CCDC149: variants seen among roughly 807,000 people sequenced by gnomAD.
CCDC149 encodes the protein coiled-coil domain containing 149, also known as coiled-coil domain-containing protein 149.
CCDC149 carries 45 observed loss-of-function variants against 59.9 expected under a neutral mutation model. The observed-to-expected ratio is 0.75, with a 90% CI of 0.59 to 0.96. The LOEUF (loss-of-function observed/expected upper bound fraction) is 0.96. CCDC149 is among the 40% of genes least tolerant of loss of function. The pLI, the probability that CCDC149 is intolerant of heterozygous loss-of-function variation, is 0.00. For synonymous variants in CCDC149, 245 were observed against 260.6 expected, an observed-to-expected ratio of 0.94 and a Z score of 0.58; for missense variants, 584 against 664.7, an observed-to-expected ratio of 0.88 and a Z score of 1.33.
At chr4:24,805,097 C>T (rs180973983), downstream of CCDC149, among the ~76,000 whole-genome samples, 19 of 152,260 alleles carry the variant, frequency 1.2e-4, no homozygotes, top group African/African-American at 4.6e-4. Context: ...AGGCCTTAAT[C>T]AAAAGAAAGA....
downstream of CCDC149, among the ~76,000 whole-genome samples, chr4:24,805,510 A>T (rs1056789925): frequency 2.6e-4 from 40 of 152,310 alleles, 1 homozygote; most frequent in Middle Eastern, 3.4e-3. Flanking sequence ...ACTCTCTTAC[A>T]CATCCCAAGA....
At chr4:24,957,933 G>A (rs1474952811) in intron 1 of CCDC149, among the ~76,000 whole-genome samples, 1 of 152,214 alleles carries the variant, frequency 6.6e-6, no homozygotes, top group Non-Finnish European at 1.5e-5. Flanking sequence ...ATCAAGTATA[G>A]TATCTTCATA....
intron 2 of CCDC149, among the ~76,000 whole-genome samples, chr4:24,875,034 C>G (rs886074937): frequency 6.6e-6 from 1 of 152,168 alleles, no homozygotes; most frequent in Non-Finnish European, 1.5e-5. Flanking sequence ...AAAGGCTGGG[C>G]ACGGTGGCTC....
chr4:24,958,735 CAG>C (rs1211627598), intron 1 of CCDC149, among the ~76,000 whole-genome samples: 1 of 151,958 alleles, frequency 6.6e-6, no homozygotes, highest in Non-Finnish European at 1.5e-5. Context: ...AAATGAAAAA[CAG>C]AGAAGAAAAA....
intron 3 of CCDC149, among the ~76,000 whole-genome samples, chr4:24,859,271 T>C (rs761398075): frequency 2.0e-5 from 3 of 152,230 alleles, no homozygotes; most frequent in Non-Finnish European, 4.4e-5. Context: ...ATAAGTGTTC[T>C]GAGCATATTT....
At chr4:24,950,790 G>A (rs1242956447) in intron 1 of CCDC149, among the ~76,000 whole-genome samples, 1 of 152,174 alleles carries the variant, frequency 6.6e-6, no homozygotes, top group Non-Finnish European at 1.5e-5. Flanking sequence ...GTTTACTAAG[G>A]AAACAAACTT....
intron 1 of CCDC149, among the ~76,000 whole-genome samples, chr4:24,936,955 G>T (rs1174839739): frequency 1.3e-5 from 2 of 152,186 alleles, no homozygotes; most frequent in Non-Finnish European, 2.9e-5. Context: ...TCCTTTTTGG[G>T]CCTGGTTTCC....
intron 1 of CCDC149, among the ~76,000 whole-genome samples, chr4:24,888,623 T>C (rs1720339626): frequency 6.6e-6 from 1 of 152,134 alleles, no homozygotes; most frequent in Non-Finnish European, 1.5e-5. Flanking sequence ...TCTCCAGACA[T>C]GGGTTTGGTT....
At chr4:24,859,974 C>T (rs1374729440) in intron 3 of CCDC149, among the ~76,000 whole-genome samples, 1 of 152,176 alleles carries the variant, frequency 6.6e-6, no homozygotes, top group African/African-American at 2.4e-5. Context: ...ACACCCCGTG[C>T]TTTTAGATAG....
intron 1 of CCDC149, among the ~76,000 whole-genome samples, chr4:24,923,441 T>G (rs940246925): frequency 2.0e-5 from 3 of 152,136 alleles, no homozygotes; most frequent in African/African-American, 7.2e-5. Context: ...CAAATGATTA[T>G]GCAAAAATTA....
At chr4:24,888,062 G>A (rs746966715) in intron 1 of CCDC149, among the ~76,000 whole-genome samples, 1 of 152,122 alleles carries the variant, frequency 6.6e-6, no homozygotes, top group Non-Finnish European at 1.5e-5. Flanking sequence ...GAGCCACGTG[G>A]CACTGTGGGT....
At chr4:24,899,698 C>T (rs1721048831) in intron 1 of CCDC149, among the ~76,000 whole-genome samples, 1 of 152,210 alleles carries the variant, frequency 6.6e-6, no homozygotes, top group African/African-American at 2.4e-5. Context: ...CCCTCACATA[C>T]ACTCCTGACA....
At chr4:24,956,158 G>A (rs187915092) in intron 1 of CCDC149, among the ~76,000 whole-genome samples, 52 of 152,266 alleles carry the variant, frequency 3.4e-4, no homozygotes, top group Non-Finnish European at 1.5e-5. Flanking sequence ...TGTATGCTGA[G>A]TCATTTCTCC....
intron 7 of CCDC149, among the ~76,000 whole-genome samples, chr4:24,835,272 C>G (rs1164105182): frequency 1.3e-5 from 2 of 152,168 alleles, no homozygotes; most frequent in Non-Finnish European, 2.9e-5. Flanking sequence ...TTACAGTCCC[C>G]TGTATACAAA....
chr4:24,973,750 C>A (rs541604096), intron 1 of CCDC149, among the ~76,000 whole-genome samples: 1 of 152,240 alleles, frequency 6.6e-6, no homozygotes, highest in Non-Finnish European at 1.5e-5. Context: ...CCGGTCTGAA[C>A]TGAGTTTTGT....
intron 8 of CCDC149, among the ~76,000 whole-genome samples, chr4:24,833,257 T>G (rs1716274797): frequency 6.6e-6 from 1 of 152,196 alleles, no homozygotes; most frequent in South Asian, 2.1e-4. Flanking sequence ...TTTTTTCACT[T>G]AACAATATTA....
chr4:24,871,955 A>G (rs73250607), intron 3 of CCDC149, among the ~76,000 whole-genome samples: 1 of 152,290 alleles, frequency 6.6e-6, no homozygotes, highest in Non-Finnish European at 1.5e-5. Flanking sequence ...CTATCAAAAT[A>G]CCAATAGGAT....
At chr4:24,839,574 T>A (rs1716811087) in intron 4 of CCDC149, among the ~76,000 whole-genome samples, 2 of 152,186 alleles carry the variant, frequency 1.3e-5, no homozygotes, top group Admixed American at 1.3e-4. Context: ...AATTGCAGTC[T>A]TCCAAAACAT....
At chr4:24,846,637 C>T (rs752304563) in intron 4 of CCDC149, among the ~76,000 whole-genome samples, 1 of 152,186 alleles carries the variant, frequency 6.6e-6, no homozygotes, top group Non-Finnish European at 1.5e-5. Context: ...GGTATGTTCA[C>T]AGAAGGTCTC....
Sources: gnomAD v4.1 joint callset for allele counts (sites outside exome capture counted in the v4.1 genomes callset) on GRCh38, gnomAD v4.1.1 for gene constraint, MANE v1.5 for transcripts, NCBI Gene and HGNC (gene_info 2026-07-23, HGNC 2026-07-21) for gene names.